The following ACSS1 variants were observed in gnomAD, a reference collection of about 807,000 sequenced individuals.
ACSS1 encodes acetyl-coenzyme A synthetase 2-like, mitochondrial.
ACSS1 carries 42 observed loss-of-function variants against 75.3 expected under a neutral mutation model. The ratio of observed to expected loss-of-function variants is 0.56; its 90% CI spans 0.44 to 0.72. The LOEUF (loss-of-function observed/expected upper bound fraction) is 0.72. Ranked by LOEUF, ACSS1 falls within the 30% of genes least tolerant of loss-of-function variation. ACSS1 has a pLI of 0.00. For missense variants in ACSS1, 782 were observed against 935.7 expected, an observed-to-expected ratio of 0.84 and a Z score of 2.14; for synonymous variants, 380 against 376.8, an observed-to-expected ratio of 1.01 and a Z score of -0.10.
At chr20:25,016,469 A>G (rs2088517977) in intron 7 of ACSS1, among the ~76,000 whole-genome samples, 1 of 152,250 alleles carries the variant, frequency 6.6e-6, no homozygotes, top group South Asian at 2.1e-4. Flanking sequence ...CCAGGCCAGC[A>G]CTCAGCCAGA....
At chr20:25,048,378 A>G (rs1305632321) in intron 1 of ACSS1, among the ~76,000 whole-genome samples, 197 bp from the exon 2 acceptor site, 1 of 152,150 alleles carries the variant, frequency 6.6e-6, no homozygotes, top group Non-Finnish European at 1.5e-5. Flanking sequence ...CAGAGGTACA[A>G]GGTGATGTCC....
chr20:25,012,849 C>T lies in ACSS1; in HGVS notation c.1670G>A (p.Gly557Asp). ...GRMDDVINIS[G>D]HRLGTAEIED... ...AATCTCTGCGGTCCCCAGCCGGTGG[C>T]CACTGATGTTGATGACATCATCCAT... Residue 557 changes from glycine (G) to aspartate (D), a missense_variant, in exon 11 of 14, where the codon GGC becomes GAC. Coordinates refer to ENST00000323482, the MANE Select transcript of ACSS1 (RefSeq NM_032501.4). 1.4e-5 allele frequency: 22 copies of T among 1,614,178 alleles called. No individual in the cohort carries two copies. The highest frequency in any genetic ancestry group is 1.8e-5 in the Non-Finnish European group (21 of 1,180,040).
chr20:25,046,863 C>T lies in ACSS1; in HGVS notation c.431+1222G>A, dbSNP rs201960373. On this transcript the variant is annotated intron_variant, in intron 2 of 13. Coordinates refer to ENST00000323482, the MANE Select transcript of ACSS1 (RefSeq NM_032501.4). ...TGGCCTATGGGCCACACGGCATCTG[C>T]AACCAGGGACTAGAGATAAGAAATG... 2.3e-3 allele frequency: 1,766 copies of T among 779,696 alleles called. 9 individuals carry two copies. Among genetic ancestry groups the T allele is most frequent in the Non-Finnish European group, 2.7e-3 (1,137 of 417,950 alleles). The allele number at this position is 779,696 out of a possible 1,614,324, so 48.3% of individuals were successfully genotyped here.
intron 7 of ACSS1, among the ~76,000 whole-genome samples, chr20:25,019,694 A>C (rs114628847): frequency 4.3e-4 from 66 of 152,330 alleles, no homozygotes; most frequent in African/African-American, 1.6e-3. Context: ...GCCACTAAAG[A>C]ACTGACCTGA....
At chr20:25,049,259 T>C (rs1318759202) in intron 1 of ACSS1, among the ~76,000 whole-genome samples, 1 of 152,108 alleles carries the variant, frequency 6.6e-6, no homozygotes, top group Non-Finnish European at 1.5e-5. Context: ...GTGGCAGACC[T>C]GAATTTACAC....
chr20:25,018,722 T>G (rs2088563632), intron 7 of ACSS1, among the ~76,000 whole-genome samples: 1 of 152,348 alleles, frequency 6.6e-6, no homozygotes, highest in Non-Finnish European at 1.5e-5. Flanking sequence ...TTGCTCTTAT[T>G]AATAGTATTC....
At chr20:25,034,714 A>G (rs945090391) in intron 2 of ACSS1, among the ~76,000 whole-genome samples, 8 of 151,850 alleles carry the variant, frequency 5.3e-5, no homozygotes, top group Non-Finnish European at 1.2e-4. Context: ...GATTACAGGC[A>G]TGCACCACCA....
Position 25,013,518 on chromosome 20 carries a change from C to T in ACSS1, c.1579+18G>A. 1 of 1,576,534 alleles carries T rather than the reference C, an allele frequency of 6.3e-7. No homozygotes were observed. Among genetic ancestry groups the T allele is most frequent in the South Asian group, 1.1e-5 (1 of 89,154 alleles). ...GTCAGCTGAAAAGGAATGAGAGGGT[C>T]CCTGACAGCCTGCTCACCTGGGTAG... On this transcript the variant is annotated intron_variant, in intron 10 of 13. Transcript: ENST00000323482.
chr20:25,030,643 T>A (rs1340004128), intron 3 of ACSS1, 116 bp downstream of exon 3: 1 of 1,201,494 alleles, frequency 8.3e-7, no homozygotes, highest in Non-Finnish European at 1.2e-6. Context: ...GATCTGTCAT[T>A]TGTCTGTGTG....
rs144532629 is a variant in ACSS1 at position 25,020,028 on chromosome 20, G to A, written c.1228C>T (p.Leu410=). The A allele has an allele frequency of 9.3e-4, 1,508 of 1,614,218 alleles. 1 individual carries two copies. Among genetic ancestry groups the A allele is most frequent in the African/African-American group, 8.5e-3 (640 of 75,072 alleles). Residue 410 remains leucine (L), a synonymous_variant, in exon 7 of 14, where the codon CTG becomes TTG. Transcript: ENST00000323482. The stretch of plus-strand genomic sequence containing the variant: ...CGCTCACCTGACCCCAGGGTCCGCA[G>A]GGAGGAGCGATCATACTTCTTCACC... ...AWVKKYDRSS[L]RTLGSVGEPI...
intron 3 of ACSS1, 119 bp downstream of exon 3, chr20:25,030,640 C>T: frequency 8.5e-7 from 1 of 1,182,642 alleles, no homozygotes; most frequent in Admixed American, 2.3e-5. Flanking sequence ...TACGATCTGT[C>T]ATTTGTCTGT....
In ACSS1 at chr20:25,012,804, G is replaced by C; in HGVS notation, c.1707+8C>G. The stretch of plus-strand genomic sequence containing the variant: ...AGGAGTGAAGGAGGAGGCCCAGCCT[G>C]TGCTCACGATGGCGTCCTCAATCTC... On this transcript the variant is annotated splice_region_variant and intron_variant, in intron 11 of 13. Coordinates refer to ENST00000323482, the MANE Select transcript of ACSS1 (RefSeq NM_032501.4). 1.2e-6 allele frequency: 2 copies of C among 1,614,082 alleles called. No individual in the cohort carries two copies. Among genetic ancestry groups the C allele is most frequent in the Non-Finnish European group, 8.5e-7 (1 of 1,179,948 alleles).
At chr20:25,040,134 T>G (rs1344023953) in intron 2 of ACSS1, among the ~76,000 whole-genome samples, 1 of 152,100 alleles carries the variant, frequency 6.6e-6, no homozygotes, top group Admixed American at 6.5e-5. Flanking sequence ...CTGTAAACAT[T>G]CACTTTCCCC....
In ACSS1 at chr20:25,045,707, A is replaced by G. The variant is rs368788413; in HGVS notation, c.431+2378T>C. On this transcript the variant is annotated intron_variant, in intron 2 of 13. Coordinates refer to ENST00000323482, the MANE Select transcript of ACSS1 (RefSeq NM_032501.4). Reference sequence around the variant, plus strand: ...GCAGTGATGTGTCTGTCAGGAGGACAACCAGTGCCAATGTCTAGGGGCTTT... The same window carrying G: ...GCAGTGATGTGTCTGTCAGGAGGACGACCAGTGCCAATGTCTAGGGGCTTT... Among the ~76,000 whole-genome samples the G allele has an allele frequency of 1.1e-4, 16 of 152,374 alleles. No homozygotes were observed. The East Asian group carries it at 1.4e-3, about 13-fold the overall frequency.
intron 2 of ACSS1, among the ~76,000 whole-genome samples, chr20:25,047,652 C>G (rs977610892): frequency 1.3e-5 from 2 of 152,138 alleles, no homozygotes; most frequent in Non-Finnish European, 2.9e-5. Context: ...AGGTGAGCTT[C>G]AGGCAAACGG....
intron 1 of ACSS1, among the ~76,000 whole-genome samples, chr20:25,056,341 G>T (rs574824611): frequency 1.3e-5 from 2 of 152,144 alleles, no homozygotes; most frequent in South Asian, 2.1e-4. Context: ...AAAGGGTTTG[G>T]TTTTTTTCCC....
intron 2 of ACSS1, chr20:25,031,240 C>T: frequency 2.1e-6 from 1 of 481,198 alleles, no homozygotes; most frequent in South Asian, 2.0e-5. Flanking sequence ...GGAACAGGAG[C>T]GTAGGGGAGC....
chr20:25,030,615 T>C (rs2088804432), intron 3 of ACSS1, 144 bp downstream of exon 3: 2 of 930,512 alleles, frequency 2.1e-6, no homozygotes, highest in Non-Finnish European at 3.2e-6. Context: ...CATTCGGCCA[T>C]GTGCCTGTCC....
intron 2 of ACSS1, among the ~76,000 whole-genome samples, chr20:25,037,084 A>G (rs1442641736): frequency 6.6e-6 from 1 of 152,226 alleles, no homozygotes; most frequent in African/African-American, 2.4e-5. Context: ...TTTATTGCTT[A>G]CAATTATTCT....
Sources: gnomAD v4.1 joint callset for allele counts (sites outside exome capture counted in the v4.1 genomes callset) on GRCh38, gnomAD v4.1.1 for gene constraint, MANE v1.5 for transcripts, NCBI Gene and HGNC (gene_info 2026-07-23, HGNC 2026-07-21) for gene names.